The following ITGA11 variants were observed in gnomAD, a reference collection of about 807,000 sequenced individuals.
ITGA11 encodes integrin alpha-11.
Under a neutral mutation model 141.9 loss-of-function variants are expected in ITGA11, and 97 were observed. The ratio of observed to expected loss-of-function variants is 0.68; its 90% CI spans 0.58 to 0.81. ITGA11 has a LOEUF of 0.81. ITGA11 is among the 30% of genes least tolerant of loss of function. The pLI, the probability that ITGA11 is intolerant of heterozygous loss-of-function variation, is 0.00. For missense variants in ITGA11, 1,387 were observed against 1,559.2 expected (o/e 0.89, Z 1.86); for synonymous variants, 658 against 624.6 (o/e 1.05, Z -0.80).
intron 2 of ITGA11, among the ~76,000 whole-genome samples, chr15:68,398,953 G>GA (rs1276074547): frequency 1.3e-5 from 2 of 151,674 alleles, no homozygotes; most frequent in African/African-American, 4.8e-5. Flanking sequence ...TAGTGGATTA[G>GA]AAAAAATGTT....
chr15:68,414,071 G>A (rs918654210), intron 1 of ITGA11, among the ~76,000 whole-genome samples: 33 of 152,250 alleles, frequency 2.2e-4, no homozygotes, highest in African/African-American at 6.7e-4. Context: ...GGGTCCAGGC[G>A]ATGTGGTCAC....
chr15:68,395,172 G>A (rs1896201459), intron 2 of ITGA11, among the ~76,000 whole-genome samples: 1 of 152,144 alleles, frequency 6.6e-6, no homozygotes, highest in Admixed American at 6.5e-5. Context: ...CCCATCTGTA[G>A]GTCACCAACA....
chr15:68,332,169 C>T, intron 13 of ITGA11, 107 bp from the exon 14 acceptor site: 1 of 1,250,460 alleles, frequency 8.0e-7, no homozygotes, highest in Admixed American at 2.0e-5. Context: ...CTCCATTCCC[C>T]AGAACCCCGT....
chr15:68,387,500 G>A lies in ITGA11; in HGVS notation c.164+15418C>T, dbSNP rs746138072. Among the ~76,000 whole-genome samples the A allele has an allele frequency of 4.6e-5, 7 of 152,168 alleles. No individual in the cohort carries two copies. In the East Asian group the frequency reaches 5.8e-4, roughly 13 times the overall value. On this transcript the variant is annotated intron_variant, in intron 2 of 29. Coordinates refer to ENST00000315757, the MANE Select transcript of ITGA11 (RefSeq NM_001004439.2). ...CTCTGGAGGTGGGTTCCAGCAATCC[G>A]ATTTAGCAAGCGTTCCAGGGATGCA...
At position 68,358,592 on chromosome 15, in the gene ITGA11, A is replaced by C; in HGVS notation, c.473-7T>G. 6.2e-7 allele frequency: 1 copy of C among 1,609,142 alleles called. No homozygotes were observed. The highest frequency in any genetic ancestry group is 8.5e-7 in the Non-Finnish European group (1 of 1,178,092). ...TCCATGTAGGTCTGGCACCCTGGAA[A>C]GTGGGGACACAGTTATGGCTACCCA... is the stretch of plus-strand genomic sequence containing the variant. On this transcript the variant is annotated splice_polypyrimidine_tract_variant and splice_region_variant and intron_variant, in intron 5 of 29. Coordinates refer to ENST00000315757, the MANE Select transcript of ITGA11 (RefSeq NM_001004439.2).
At chr15:68,423,999 G>T (rs1224118407) in intron 1 of ITGA11, among the ~76,000 whole-genome samples, 1 of 152,092 alleles carries the variant, frequency 6.6e-6, no homozygotes, top group African/African-American at 2.4e-5. Context: ...AGAACCCCCC[G>T]CCCCAGTGCC....
intron 10 of ITGA11, among the ~76,000 whole-genome samples, chr15:68,344,018 A>G (rs748909385): frequency 2.1e-4 from 32 of 152,166 alleles, no homozygotes; most frequent in Non-Finnish European, 4.4e-4. Flanking sequence ...CTCATTCCCC[A>G]TCAGAGTTGG....
intron 1 of ITGA11, among the ~76,000 whole-genome samples, chr15:68,406,224 C>T (rs780435545): frequency 4.6e-5 from 7 of 152,236 alleles, no homozygotes; most frequent in Admixed American, 2.0e-4. Flanking sequence ...TGTGAGATCC[C>T]GTCACCCCTC....
Position 68,358,523 on chromosome 15 carries a change from C to A in ITGA11, c.535G>T (p.Val179Leu), listed in dbSNP as rs1233217471. The A allele has an allele frequency of 1.9e-6, 3 of 1,614,112 alleles. No individual in the cohort carries two copies. Among genetic ancestry groups the A allele is most frequent in the Non-Finnish European group, 2.5e-6 (3 of 1,179,982 alleles). Residue 179 changes from valine to leucine, a missense_variant, in exon 6 of 30, where the codon GTG becomes TTG. Val to Leu is a conservative substitution (Grantham distance 32). Coordinates refer to ENST00000315757, the MANE Select transcript of ITGA11 (RefSeq NM_001004439.2). ...TTGATGAGGAAGTGCTGAACCTCCA[C>A]CCAGGGGTAGATGCTGTTGGAGCCA... ...LDGSNSIYPW[V>L]EVQHFLINIL... is the part of the protein sequence containing the mutation.
At chr15:68,354,895 T>G (rs1595874704) in intron 7 of ITGA11, among the ~76,000 whole-genome samples, 1 of 152,088 alleles carries the variant, frequency 6.6e-6, no homozygotes, top group East Asian at 1.9e-4. Context: ...ATAAACTGAG[T>G]GAGGACAGAA....
intron 2 of ITGA11, among the ~76,000 whole-genome samples, chr15:68,377,723 T>C (rs1489560383): frequency 6.6e-6 from 1 of 152,240 alleles, no homozygotes. Flanking sequence ...ACATGCTTTT[T>C]CCATTTAATT....
intron 1 of ITGA11, among the ~76,000 whole-genome samples, chr15:68,421,883 C>T (rs1897026407): frequency 6.6e-6 from 1 of 151,674 alleles, no homozygotes; most frequent in African/African-American, 2.4e-5. Context: ...GGGACATGTT[C>T]AGGACGATGG....
chr15:68,364,129 G>C (rs1414846397), intron 4 of ITGA11, among the ~76,000 whole-genome samples: 1 of 152,116 alleles, frequency 6.6e-6, no homozygotes, highest in African/African-American at 2.4e-5. Flanking sequence ...CCTTGCGAAG[G>C]CCTGTCTCTT....
intron 2 of ITGA11, among the ~76,000 whole-genome samples, chr15:68,397,759 AAAATATTATATTTAAAATATATTTAAAAT>A: frequency 1.2e-5 from 1 of 82,746 alleles, no homozygotes; most frequent in South Asian, 3.4e-4. Flanking sequence ...TATTATATTT[AAAATATTATATTTAAAATATATTTAAAAT>A]AATATAAAAT....
chr15:68,336,783 G>T (rs979127289), intron 11 of ITGA11, among the ~76,000 whole-genome samples: 1 of 152,236 alleles, frequency 6.6e-6, no homozygotes, highest in African/African-American at 2.4e-5. Context: ...GAGTGTGTGT[G>T]TGCACATATA....
intron 7 of ITGA11, among the ~76,000 whole-genome samples, chr15:68,352,907 G>T (rs189510267): frequency 1.4e-3 from 219 of 152,264 alleles, no homozygotes; most frequent in Non-Finnish European, 2.6e-3. Context: ...CCCTGTGGCC[G>T]GCCCTCCTTT....
At position 68,335,515 on chromosome 15, in the gene ITGA11, A is replaced by C. The variant is rs906683270; in HGVS notation, c.1425+182T>G. ...AAGCAGCTGGCATCCTGGAGGGCCCATGGGGCCTTCTGTAGGTGGATGCGC... is the reference window on the plus strand; with the variant it reads ...AAGCAGCTGGCATCCTGGAGGGCCCCTGGGGCCTTCTGTAGGTGGATGCGC... On this transcript the variant is annotated intron_variant, in intron 12 of 29. Coordinates refer to ENST00000315757, the MANE Select transcript of ITGA11 (RefSeq NM_001004439.2). The surrounding 1 kb of genome is among the most constrained non-coding windows in gnomAD (Gnocchi z 4.9). 2.0e-5 allele frequency among the ~76,000 whole-genome samples: 3 copies of C among 152,150 alleles called. No homozygotes were observed. The highest frequency in any genetic ancestry group is 7.2e-5 in the African/African-American group (3 of 41,440).
At chr15:68,364,852 C>T in intron 3 of ITGA11, 54 bp from the exon 4 acceptor site, 1 of 1,533,982 alleles carries the variant, frequency 6.5e-7, no homozygotes, top group African/African-American at 1.4e-5. Context: ...GCCCTCTGCC[C>T]AGAGCCTGCT....
At position 68,308,810 on chromosome 15, in the gene ITGA11, G is replaced by C. The variant is rs547486725; in HGVS notation, c.3175-1114C>G. On this transcript the variant is annotated intron_variant, in intron 26 of 29. Coordinates refer to ENST00000315757, the MANE Select transcript of ITGA11 (RefSeq NM_001004439.2). The surrounding 1 kb of genome is among the most constrained non-coding windows in gnomAD (Gnocchi z 5.2). Reference sequence around the variant, plus strand: ...GGGATTAGAGGACACTGAAGATGGAGCTTGCAGCAGCAGATCATTCATATC... The same window carrying C: ...GGGATTAGAGGACACTGAAGATGGACCTTGCAGCAGCAGATCATTCATATC... Among the ~76,000 whole-genome samples the C allele has an allele frequency of 6.6e-6, 1 of 151,852 alleles. No homozygotes were observed. The highest frequency in any genetic ancestry group is 1.5e-5 in the Non-Finnish European group (1 of 67,984).
Sources: allele counts gnomAD v4.1 joint callset (sites outside exome capture counted in the v4.1 genomes callset), GRCh38; gene constraint gnomAD v4.1.1; non-coding constraint Gnocchi (gnomAD v3.1); transcripts MANE v1.5; gene names NCBI Gene and HGNC (gene_info 2026-07-23, HGNC 2026-07-21).